Variants in TMEM217B observed in about 807,000 individuals in gnomAD.
The protein encoded by TMEM217B is putative transmembrane protein 217B.
At chr6:37,215,358 C>G in the TMEM217B span, 2 of 1,510,684 alleles carry the variant, frequency 1.3e-6, no homozygotes, top group Non-Finnish European at 1.8e-6. Context: ...AGGCGGATCA[C>G]GAGGTCAGGA....
chr6:37,239,546 T>C, the TMEM217B span, among the ~76,000 whole-genome samples: 1 of 152,200 alleles, frequency 6.6e-6, no homozygotes, highest in African/African-American at 2.4e-5. Context: ...CATTGAAGCA[T>C]AGTGTAATTA....
chr6:37,239,870 C>G, the TMEM217B span, among the ~76,000 whole-genome samples: 1 of 147,162 alleles, frequency 6.8e-6, no homozygotes, highest in South Asian at 2.1e-4. Flanking sequence ...GCCTGGGCAA[C>G]ATGGTGAGAC....
At chr6:37,214,084 C>T in the TMEM217B span, among the ~76,000 whole-genome samples, 2 of 152,244 alleles carry the variant, frequency 1.3e-5, no homozygotes, top group Admixed American at 6.5e-5. Context: ...CCTCTTCACT[C>T]ACTGGATCAA....
At chr6:37,257,613 G>T in the TMEM217B span, 1 of 409,810 alleles carries the variant, frequency 2.4e-6, no homozygotes, top group South Asian at 3.6e-5. Flanking sequence ...CCCGCCTCTC[G>T]GCTCGTCCAA....
At chr6:37,218,809 G>A in the TMEM217B span, 2 of 1,614,214 alleles carry the variant, frequency 1.2e-6, no homozygotes, top group Non-Finnish European at 1.7e-6. Context: ...TGAGGATGGT[G>A]ATGAAAGACA....
the TMEM217B span, chr6:37,218,557 G>C: frequency 1.1e-5 from 18 of 1,614,000 alleles, no homozygotes; most frequent in Non-Finnish European, 1.4e-5. Flanking sequence ...TATTGCCCTG[G>C]CTCCGGTTTT....
chr6:37,212,793 G>A, the TMEM217B span: 7 of 737,986 alleles, frequency 9.5e-6, no homozygotes, highest in African/African-American at 3.5e-5. Flanking sequence ...GGCCAGTGCT[G>A]ATATTAGCCC....
At chr6:37,255,196 C>T in the TMEM217B span, among the ~76,000 whole-genome samples, 1 of 152,062 alleles carries the variant, frequency 6.6e-6, no homozygotes, top group Non-Finnish European at 1.5e-5. Flanking sequence ...AAAATAGAGC[C>T]AGGCAATAAG....
chr6:37,212,796 A>G, the TMEM217B span: 2 of 746,966 alleles, frequency 2.7e-6, no homozygotes, highest in Non-Finnish European at 2.4e-6. Context: ...CAGTGCTGAT[A>G]TTAGCCCTGT....
the TMEM217B span, among the ~76,000 whole-genome samples, chr6:37,214,976 A>C: frequency 6.6e-6 from 1 of 152,164 alleles, no homozygotes; most frequent in Non-Finnish European, 1.5e-5. Context: ...AATTGTCTAA[A>C]AATAAGGCCC....
the TMEM217B span, chr6:37,257,767 T>G: frequency 1.3e-6 from 1 of 787,260 alleles, no homozygotes; most frequent in Non-Finnish European, 2.0e-6. Context: ...GGTGGAGGGG[T>G]GCCCACATCC....
chr6:37,220,594 T>A, the TMEM217B span, among the ~76,000 whole-genome samples: 1 of 152,186 alleles, frequency 6.6e-6, no homozygotes, highest in Non-Finnish European at 1.5e-5. Flanking sequence ...GTATTTTTTT[T>A]AACTTTAAGT....
At chr6:37,213,627 C>T in the TMEM217B span, among the ~76,000 whole-genome samples, 1 of 152,304 alleles carries the variant, frequency 6.6e-6, no homozygotes, top group East Asian at 1.9e-4. Flanking sequence ...GGTGAAGGCC[C>T]AGCAGGCAGA....
the TMEM217B span, chr6:37,218,552 C>A: frequency 6.2e-7 from 1 of 1,614,126 alleles, no homozygotes; most frequent in Non-Finnish European, 8.5e-7. Context: ...AATTATATTG[C>A]CCTGGCTCCG....
At chr6:37,218,668 A>C in the TMEM217B span, 1 of 1,614,136 alleles carries the variant, frequency 6.2e-7, no homozygotes, top group Non-Finnish European at 8.5e-7. Flanking sequence ...TGACCTCTTT[A>C]ATGTCAAAGT....
the TMEM217B span, among the ~76,000 whole-genome samples, chr6:37,244,393 G>A: frequency 1.3e-5 from 2 of 152,312 alleles, no homozygotes; most frequent in South Asian, 2.1e-4. Flanking sequence ...GAGAAAAACC[G>A]TAAACTTCTA....
At chr6:37,241,541 C>T in the TMEM217B span, among the ~76,000 whole-genome samples, 2 of 152,112 alleles carry the variant, frequency 1.3e-5, no homozygotes, top group African/African-American at 2.4e-5. Flanking sequence ...GATCCAAGGT[C>T]CCCATTCTTG....
chr6:37,251,369 G>GA, the TMEM217B span, among the ~76,000 whole-genome samples: 4 of 130,576 alleles, frequency 3.1e-5, no homozygotes, highest in Non-Finnish European at 6.7e-5. Flanking sequence ...ACTATAATTT[G>GA]AAAAAAACTG....
chr6:37,245,065 G>A, the TMEM217B span, among the ~76,000 whole-genome samples: 1 of 152,204 alleles, frequency 6.6e-6, no homozygotes, highest in Non-Finnish European at 1.5e-5. Context: ...GCCATGGCTT[G>A]GGTAATGTTT....
Sources: allele counts gnomAD v4.1 joint callset (sites outside exome capture counted in the v4.1 genomes callset), GRCh38; gene constraint gnomAD v4.1.1; transcripts MANE v1.5; gene names NCBI Gene and HGNC (gene_info 2026-07-23, HGNC 2026-07-21).